Variants in AGBL4 observed in about 807,000 individuals in gnomAD.
The protein encoded by AGBL4 is AGBL carboxypeptidase 4.
In AGBL4, 58 loss-of-function variants were observed where a neutral mutation model predicts 66.4. That is an observed-to-expected ratio of 0.87 (90% CI 0.71 to 1.09). AGBL4 has a LOEUF of 1.09. Ranked by LOEUF, AGBL4 falls within the 50% of genes least tolerant of loss-of-function variation. The probability of loss-of-function intolerance (pLI) is 0.00; values close to 1 mark genes in which losing one functional copy is unlikely to be tolerated. For synonymous variants in AGBL4, 234 were observed against 222.9 expected, an observed-to-expected ratio of 1.05 and a Z score of -0.44; for missense variants, 579 against 631.0, an observed-to-expected ratio of 0.92 and a Z score of 0.88.
At chr1:48,807,256 T>C (rs574170951) in intron 6 of AGBL4, among the ~76,000 whole-genome samples, 3 of 152,372 alleles carry the variant, frequency 2.0e-5, no homozygotes, top group African/African-American at 7.2e-5. Flanking sequence ...TGTGCCTCTG[T>C]GCCTGGCACA....
At chr1:49,378,535 C>T (rs1424657281) in intron 3 of AGBL4, among the ~76,000 whole-genome samples, 1 of 151,714 alleles carries the variant, frequency 6.6e-6, no homozygotes, top group Admixed American at 6.6e-5. Flanking sequence ...AGTGGGTTTC[C>T]ATGTTTATCA....
chr1:49,086,482 G>A (rs1644909489), intron 4 of AGBL4, among the ~76,000 whole-genome samples: 1 of 152,060 alleles, frequency 6.6e-6, no homozygotes, highest in African/African-American at 2.4e-5. Context: ...AAACTCAGCT[G>A]AAGTTTACAG....
At chr1:49,489,797 C>T (rs1017003486) in intron 3 of AGBL4, among the ~76,000 whole-genome samples, 1 of 151,364 alleles carries the variant, frequency 6.6e-6, no homozygotes, top group South Asian at 2.1e-4. Context: ...TTGTCCTTTC[C>T]CCAGTGTATG....
intron 1 of AGBL4, among the ~76,000 whole-genome samples, chr1:49,888,365 T>C (rs1208072359): frequency 6.6e-6 from 1 of 152,110 alleles, no homozygotes; most frequent in Admixed American, 6.5e-5. Flanking sequence ...AGAACTTTGG[T>C]CCATTTCAGG....
At chr1:48,656,979 T>A (rs1024849937) in intron 7 of AGBL4, among the ~76,000 whole-genome samples, 6 of 152,158 alleles carry the variant, frequency 3.9e-5, no homozygotes, top group Middle Eastern at 3.4e-3. Context: ...AATTTAAAAT[T>A]AAAATAAAAA....
At chr1:49,975,352 G>A (rs570949063) in intron 1 of AGBL4, among the ~76,000 whole-genome samples, 1 of 152,140 alleles carries the variant, frequency 6.6e-6, no homozygotes, top group African/African-American at 2.4e-5. Context: ...TGCATGCAGT[G>A]AAAACAGTTC....
intron 3 of AGBL4, among the ~76,000 whole-genome samples, chr1:49,347,121 T>C (rs1244208877): frequency 1.3e-5 from 2 of 152,162 alleles, no homozygotes; most frequent in African/African-American, 4.8e-5. Flanking sequence ...CACAAGCCCT[T>C]GTAGATTTTT....
intron 5 of AGBL4, among the ~76,000 whole-genome samples, chr1:49,040,685 A>G (rs548763979): frequency 1.3e-5 from 2 of 152,228 alleles, no homozygotes; most frequent in African/African-American, 4.8e-5. Context: ...GTGCTAAGTG[A>G]AAAATGCAAG....
At chr1:48,958,794 G>A (rs1406692898) in intron 5 of AGBL4, among the ~76,000 whole-genome samples, 1 of 152,176 alleles carries the variant, frequency 6.6e-6, no homozygotes. Context: ...TGAACACAGA[G>A]CCCCATGCTT....
chr1:48,895,411 A>C (rs986821914), intron 5 of AGBL4, among the ~76,000 whole-genome samples: 6 of 152,220 alleles, frequency 3.9e-5, no homozygotes, highest in Non-Finnish European at 7.3e-5. Flanking sequence ...GAGGCCTGGC[A>C]AGGAGAGACA....
At chr1:49,973,027 C>G (rs751621380) in intron 1 of AGBL4, among the ~76,000 whole-genome samples, 17 of 152,178 alleles carry the variant, frequency 1.1e-4, no homozygotes, top group Non-Finnish European at 2.2e-4. Context: ...CATTAAGTGG[C>G]AGAACCAAGA....
At chr1:49,949,017 A>G (rs1444899561) in intron 1 of AGBL4, among the ~76,000 whole-genome samples, 2 of 151,878 alleles carry the variant, frequency 1.3e-5, no homozygotes, top group East Asian at 3.9e-4. Flanking sequence ...CCAATGGAAC[A>G]TAATAGTGAA....
chr1:48,574,289 T>C (rs1644614236), intron 11 of AGBL4, among the ~76,000 whole-genome samples: 1 of 152,194 alleles, frequency 6.6e-6, no homozygotes, highest in Non-Finnish European at 1.5e-5. Flanking sequence ...AGACTGGTCC[T>C]GGCTTAGGAT....
At chr1:48,745,316 GAGA>G (rs1340712891) in intron 6 of AGBL4, among the ~76,000 whole-genome samples, 5 of 152,158 alleles carry the variant, frequency 3.3e-5, no homozygotes, top group Non-Finnish European at 7.3e-5. Context: ...CTTGGAGTCC[GAGA>G]AGTAGAAATC....
At chr1:48,935,276 TC>T (rs1195248368) in intron 5 of AGBL4, among the ~76,000 whole-genome samples, 1 of 152,084 alleles carries the variant, frequency 6.6e-6, no homozygotes, top group Non-Finnish European at 1.5e-5. Flanking sequence ...TAAAATAACA[TC>T]CTGCCTGCCA....
At chr1:48,577,344 A>G (rs1644670294) in intron 11 of AGBL4, among the ~76,000 whole-genome samples, 1 of 152,240 alleles carries the variant, frequency 6.6e-6, no homozygotes, top group Non-Finnish European at 1.5e-5. Context: ...TCCTGAAACA[A>G]TATCAACTCT....
chr1:49,883,158 C>T (rs965973115), intron 1 of AGBL4, among the ~76,000 whole-genome samples: 20 of 152,044 alleles, frequency 1.3e-4, no homozygotes, highest in Non-Finnish European at 2.9e-5. Context: ...CATTGTCATT[C>T]ATTATATTTG....
At chr1:49,849,809 A>T (rs1295776937) in intron 2 of AGBL4, among the ~76,000 whole-genome samples, 1 of 152,216 alleles carries the variant, frequency 6.6e-6, no homozygotes, top group Admixed American at 6.5e-5. Context: ...AAAAGATGTT[A>T]TGAGAAAGGA....
At chr1:48,575,747 G>A (rs770883454) in intron 11 of AGBL4, among the ~76,000 whole-genome samples, 1 of 152,286 alleles carries the variant, frequency 6.6e-6, no homozygotes, top group East Asian at 1.9e-4. Context: ...CTCAAGGTTA[G>A]GTTAGATGCT....
Sources: allele counts gnomAD v4.1 joint callset (sites outside exome capture counted in the v4.1 genomes callset), GRCh38; gene constraint gnomAD v4.1.1; transcripts MANE v1.5; gene names NCBI Gene and HGNC (gene_info 2026-07-23, HGNC 2026-07-21).